LEPR: variants seen among roughly 807,000 people sequenced by gnomAD.
LEPR encodes the protein OB receptor.
Under a neutral mutation model 114.7 loss-of-function variants are expected in LEPR, and 56 were observed. The observed-to-expected ratio is 0.49, with a 90% confidence interval of 0.39 to 0.61. The LOEUF (loss-of-function observed/expected upper bound fraction) is 0.61, where lower values mean the gene tolerates loss of function less well. Among genes scored for constraint, LEPR ranks in the 20% least tolerant of loss-of-function variants. The probability of loss-of-function intolerance (pLI) is 0.00; values close to 1 mark genes in which losing one functional copy is unlikely to be tolerated. For synonymous variants in LEPR, 443 were observed against 461.4 expected (o/e 0.96, Z 0.51); for missense variants, 1,202 against 1,352.9 (o/e 0.89, Z 1.75).
intron 2 of LEPR, among the ~76,000 whole-genome samples, chr1:65,528,315 C>T (rs1317153745): frequency 1.3e-5 from 2 of 152,148 alleles, no homozygotes; most frequent in Non-Finnish European, 2.9e-5. Flanking sequence ...ATGTGATTTA[C>T]AAATTCCAGT....
intron 4 of LEPR, among the ~76,000 whole-genome samples, chr1:65,571,589 A>G (rs1654160031): frequency 1.3e-5 from 2 of 150,816 alleles, no homozygotes; most frequent in Non-Finnish European, 3.0e-5. Flanking sequence ...GGGTTTTCAC[A>G]TGTATGAGTG....
intron 2 of LEPR, among the ~76,000 whole-genome samples, chr1:65,441,575 G>A (rs1646649403): frequency 6.6e-6 from 1 of 152,128 alleles, no homozygotes; most frequent in African/African-American, 2.4e-5. Context: ...TCTTAGATAA[G>A]CCATTTGAGT....
At chr1:65,628,867 A>G (rs17127826) in intron 19 of LEPR, among the ~76,000 whole-genome samples, 13,114 of 152,194 alleles carry the variant, frequency 0.086, 1,338 homozygotes, top group African/African-American at 0.23. Flanking sequence ...ACAGTTAAAT[A>G]TTTGAGTTTG....
intron 2 of LEPR, chr1:65,434,772 A>T (rs1646535865): frequency 2.0e-6 from 2 of 985,346 alleles, no homozygotes; most frequent in East Asian, 1.1e-4. Context: ...CCCAACTGAG[A>T]ACCTTCCCAC....
chr1:65,456,808 A>G (rs1010772695), intron 2 of LEPR, among the ~76,000 whole-genome samples: 4 of 152,168 alleles, frequency 2.6e-5, no homozygotes, highest in Non-Finnish European at 5.9e-5. Context: ...ATGCAAAGTG[A>G]TTATTGATAT....
chr1:65,483,578 G>C (rs1466438947), intron 2 of LEPR, among the ~76,000 whole-genome samples: 3 of 152,130 alleles, frequency 2.0e-5, no homozygotes, highest in Non-Finnish European at 2.9e-5. Flanking sequence ...TAAAATCAAA[G>C]TCCTTAAAAT....
chr1:65,592,138 G>A (rs1655736722), intron 5 of LEPR, among the ~76,000 whole-genome samples: 1 of 151,526 alleles, frequency 6.6e-6, no homozygotes, highest in African/African-American at 2.4e-5. Flanking sequence ...TACCTACGTT[G>A]TAAACTCCAC....
At chr1:65,614,866 A>G (rs969765903) in intron 14 of LEPR, among the ~76,000 whole-genome samples, 2 of 152,180 alleles carry the variant, frequency 1.3e-5, no homozygotes, top group African/African-American at 2.4e-5. Context: ...CCATCGTTCA[A>G]TAATAGAAAC....
At chr1:65,434,747 G>A (rs1646535446) in intron 2 of LEPR, 1 of 985,288 alleles carries the variant, frequency 1.0e-6, no homozygotes, top group Admixed American at 6.2e-5. Context: ...ACTCCTGGGA[G>A]TTTTGTTCAC....
chr1:65,467,384 T>G (rs894327768), intron 2 of LEPR, among the ~76,000 whole-genome samples: 5 of 152,104 alleles, frequency 3.3e-5, no homozygotes, highest in African/African-American at 1.2e-4. Context: ...CAAATATTGT[T>G]GCTTAATACT....
chr1:65,605,283 A>T, intron 11 of LEPR, 46 bp downstream of exon 11: 3 of 1,597,966 alleles, frequency 1.9e-6, no homozygotes, highest in Non-Finnish European at 2.6e-6. Flanking sequence ...GCAGATTTGT[A>T]TGCAGATTGA....
At chr1:65,549,486 A>G (rs1652100475) in intron 2 of LEPR, among the ~76,000 whole-genome samples, 1 of 152,062 alleles carries the variant, frequency 6.6e-6, no homozygotes, top group African/African-American at 2.4e-5. Flanking sequence ...ACATAGTCCC[A>G]TATTTCTTGG....
chr1:65,476,728 C>G (rs1347597376), intron 2 of LEPR, among the ~76,000 whole-genome samples: 1 of 152,140 alleles, frequency 6.6e-6, no homozygotes, highest in Non-Finnish European at 1.5e-5. Context: ...TCACAATGCA[C>G]TATGAGATAT....
intron 2 of LEPR, among the ~76,000 whole-genome samples, chr1:65,555,394 CAT>C (rs1386900216): frequency 3.3e-5 from 5 of 152,178 alleles, no homozygotes; most frequent in Admixed American, 3.3e-4. Flanking sequence ...AGGAAAGAGT[CAT>C]GTGGTGCGGT....
At chr1:65,618,917 C>T (rs753990837) in intron 16 of LEPR, among the ~76,000 whole-genome samples, 2 of 152,144 alleles carry the variant, frequency 1.3e-5, no homozygotes, top group Non-Finnish European at 2.9e-5. Context: ...ATGCCACTAA[C>T]AATGAGTGGG....
At chr1:65,550,713 C>T (rs1013330474) in intron 2 of LEPR, among the ~76,000 whole-genome samples, 5 of 152,288 alleles carry the variant, frequency 3.3e-5, no homozygotes, top group Admixed American at 1.3e-4. Context: ...TTCCAGGTGC[C>T]GTCTGTCACC....
chr1:65,587,848 A>G (rs1655416743), intron 5 of LEPR, among the ~76,000 whole-genome samples: 1 of 151,974 alleles, frequency 6.6e-6, no homozygotes, highest in Admixed American at 6.6e-5. Flanking sequence ...TCTATTTTTC[A>G]TGTTTTTTAT....
intron 19 of LEPR, chr1:65,635,224 G>A: frequency 1.0e-6 from 1 of 972,508 alleles, no homozygotes; most frequent in Non-Finnish European, 1.2e-6. Flanking sequence ...TGATATATAA[G>A]CTGAACACAT....
At chr1:65,438,005 C>T (rs1279918452) in intron 2 of LEPR, among the ~76,000 whole-genome samples, 2 of 151,662 alleles carry the variant, frequency 1.3e-5, no homozygotes, top group East Asian at 1.9e-4. Flanking sequence ...ATGAAGTTTC[C>T]CTACATTGAC....
Sources: allele counts gnomAD v4.1 joint callset (sites outside exome capture counted in the v4.1 genomes callset), GRCh38; gene constraint gnomAD v4.1.1; transcripts MANE v1.5; gene names NCBI Gene and HGNC (gene_info 2026-07-23, HGNC 2026-07-21).